Variants in MYRIP observed in about 807,000 individuals in gnomAD.
MYRIP encodes the protein rab effector MyRIP.
Under a neutral mutation model 98.0 loss-of-function variants are expected in MYRIP, and 49 were observed. The observed-to-expected ratio is 0.50, with a 90% confidence interval of 0.40 to 0.63. The LOEUF (loss-of-function observed/expected upper bound fraction) is 0.63. Among genes scored for constraint, MYRIP ranks in the 30% least tolerant of loss-of-function variants. The pLI, the probability that MYRIP is intolerant of heterozygous loss-of-function variation, is 0.00. For synonymous variants in MYRIP, 404 were observed against 409.5 expected, an observed-to-expected ratio of 0.99 and a Z score of 0.16; for missense variants, 1,004 against 1,058.2, an observed-to-expected ratio of 0.95 and a Z score of 0.71.
chr3:40,075,459 G>A (rs535886985), intron 3 of MYRIP, among the ~76,000 whole-genome samples: 1 of 152,296 alleles, frequency 6.6e-6, no homozygotes, highest in Admixed American at 6.5e-5. Context: ...TGGCTTTGGA[G>A]CCAAACCTCC....
intron 13 of MYRIP, among the ~76,000 whole-genome samples, chr3:40,249,485 T>C (rs746192649): frequency 1.3e-5 from 2 of 152,232 alleles, no homozygotes; most frequent in South Asian, 2.1e-4. Context: ...ACTTACTTCA[T>C]AGAATTATTT....
intron 2 of MYRIP, among the ~76,000 whole-genome samples, chr3:39,949,439 A>C (rs1944963613): frequency 6.6e-6 from 1 of 152,116 alleles, no homozygotes; most frequent in Admixed American, 6.6e-5. Context: ...CAATTTTTTC[A>C]TCTGTATCAT....
chr3:39,914,173 A>C (rs538959474), intron 2 of MYRIP, among the ~76,000 whole-genome samples: 1 of 152,324 alleles, frequency 6.6e-6, no homozygotes, highest in South Asian at 2.1e-4. Context: ...AACTTATCGC[A>C]CAGGTTACAG....
chr3:40,230,088 G>C (rs1227805500), intron 11 of MYRIP, among the ~76,000 whole-genome samples: 1 of 152,156 alleles, frequency 6.6e-6, no homozygotes, highest in Admixed American at 6.5e-5. Context: ...CAAGTGTCTT[G>C]AGACTCACCT....
intron 2 of MYRIP, among the ~76,000 whole-genome samples, chr3:39,948,197 C>T (rs1292678598): frequency 6.6e-6 from 1 of 152,102 alleles, no homozygotes; most frequent in African/African-American, 2.4e-5. Context: ...GTCATATAGC[C>T]TCTCAAAAGA....
At chr3:40,095,510 T>C (rs1274733366) in intron 3 of MYRIP, among the ~76,000 whole-genome samples, 1 of 152,180 alleles carries the variant, frequency 6.6e-6, no homozygotes, top group Non-Finnish European at 1.5e-5. Context: ...CTTCACACTC[T>C]GAGAAGCCAG....
intron 2 of MYRIP, among the ~76,000 whole-genome samples, chr3:39,958,208 C>T (rs1945219628): frequency 6.6e-6 from 1 of 152,154 alleles, no homozygotes; most frequent in Non-Finnish European, 1.5e-5. Context: ...CAAAAAAGAA[C>T]CCGCATTGCC....
chr3:40,176,908 C>CAAA (rs143992737), intron 8 of MYRIP, among the ~76,000 whole-genome samples: 81 of 109,120 alleles, frequency 7.4e-4, no homozygotes, highest in African/African-American at 2.6e-3. Flanking sequence ...AACTCCATCT[C>CAAA]AAAAAAAAAA....
intron 3 of MYRIP, among the ~76,000 whole-genome samples, chr3:40,149,197 C>T (rs1243975156): frequency 6.6e-6 from 1 of 152,320 alleles, no homozygotes; most frequent in East Asian, 1.9e-4. Context: ...ACCTCAGGAA[C>T]CTTTTACTTA....
intron 3 of MYRIP, among the ~76,000 whole-genome samples, chr3:40,048,595 C>T (rs72871447): frequency 2.0e-5 from 3 of 152,072 alleles, no homozygotes; most frequent in East Asian, 1.9e-4. Flanking sequence ...CTAAGAAAAA[C>T]GTGGTAACCT....
intron 1 of MYRIP, among the ~76,000 whole-genome samples, chr3:39,841,814 C>A (rs1313068371): frequency 6.6e-6 from 1 of 152,204 alleles, no homozygotes; most frequent in Non-Finnish European, 1.5e-5. Context: ...ATTGCTGCTT[C>A]TTCTTCCTCT....
chr3:40,085,865 T>C (rs900131809), intron 3 of MYRIP, among the ~76,000 whole-genome samples: 1 of 152,050 alleles, frequency 6.6e-6, no homozygotes, highest in Non-Finnish European at 1.5e-5. Flanking sequence ...TATAACCCCA[T>C]CTGACATTCA....
chr3:39,995,989 T>G (rs1946341350), intron 2 of MYRIP, among the ~76,000 whole-genome samples: 1 of 152,154 alleles, frequency 6.6e-6, no homozygotes, highest in South Asian at 2.1e-4. Context: ...TGCTGAGAGA[T>G]TCTGTCACCA....
At chr3:40,103,527 G>C (rs1575540087) in intron 3 of MYRIP, among the ~76,000 whole-genome samples, 2 of 152,362 alleles carry the variant, frequency 1.3e-5, no homozygotes, top group South Asian at 4.1e-4. Context: ...GGGAGGCCAA[G>C]GTGGGCAGAT....
intron 1 of MYRIP, among the ~76,000 whole-genome samples, chr3:39,839,294 G>A (rs963993514): frequency 6.7e-6 from 1 of 150,088 alleles, no homozygotes; most frequent in Non-Finnish European, 1.5e-5. Context: ...TCTCACTCTT[G>A]TGGTCCAGGA....
chr3:40,247,815 C>A (rs1307677136), intron 13 of MYRIP, among the ~76,000 whole-genome samples: 8 of 152,254 alleles, frequency 5.3e-5, no homozygotes, highest in African/African-American at 1.9e-4. Flanking sequence ...TGATCCAGCG[C>A]CAAACAGCTC....
chr3:40,244,811 A>G, intron 13 of MYRIP, among the ~76,000 whole-genome samples: 1 of 152,184 alleles, frequency 6.6e-6, no homozygotes, highest in East Asian at 1.9e-4. Flanking sequence ...TAAAGTCTCG[A>G]TAATATATTG....
intron 3 of MYRIP, among the ~76,000 whole-genome samples, chr3:40,134,893 C>T (rs1173190690): frequency 2.0e-5 from 3 of 152,160 alleles, no homozygotes; most frequent in Non-Finnish European, 2.9e-5. Flanking sequence ...ACGTCACCAT[C>T]ATCAAAAACG....
At chr3:40,084,996 CTG>C (rs928537642) in intron 3 of MYRIP, among the ~76,000 whole-genome samples, 14 of 148,904 alleles carry the variant, frequency 9.4e-5, no homozygotes, top group Non-Finnish European at 1.5e-4. Flanking sequence ...TAATATATAT[CTG>C]TGTTATATAT....
Sources: allele counts gnomAD v4.1 joint callset (sites outside exome capture counted in the v4.1 genomes callset), GRCh38; gene constraint gnomAD v4.1.1; transcripts MANE v1.5; gene names NCBI Gene and HGNC (gene_info 2026-07-23, HGNC 2026-07-21).